FAM107B: variants seen among roughly 807,000 people sequenced by gnomAD.
FAM107B encodes protein FAM107B.
Under a neutral mutation model 31.5 loss-of-function variants are expected in FAM107B, and 21 were observed. The ratio of observed to expected loss-of-function variants is 0.67; its 90% confidence interval spans 0.47 to 0.96. FAM107B has a LOEUF of 0.96. Ranked by LOEUF, FAM107B falls within the 40% of genes least tolerant of loss-of-function variation. The pLI is 0.00. For missense variants in FAM107B, 452 were observed against 377.1 expected (o/e 1.20, Z -1.64); for synonymous variants, 157 against 141.5 (o/e 1.11, Z -0.78).
chr10:14,759,540 T>G (rs1345948869), intron 1 of FAM107B, among the ~76,000 whole-genome samples: 8 of 152,162 alleles, frequency 5.3e-5, no homozygotes, highest in Non-Finnish European at 1.2e-4. Flanking sequence ...CCCACTAGAC[T>G]ATGAAGAACT....
At chr10:14,623,222 A>C (rs1335863898) in intron 2 of FAM107B, among the ~76,000 whole-genome samples, 1 of 152,214 alleles carries the variant, frequency 6.6e-6, no homozygotes, top group African/African-American at 2.4e-5. Context: ...CAACGCAATA[A>C]AGCAATAAGG....
intron 2 of FAM107B, among the ~76,000 whole-genome samples, chr10:14,552,150 C>T (rs11259178): frequency 0.36 from 54,709 of 151,984 alleles, 9,957 homozygotes; most frequent in South Asian, 0.52. Context: ...CTGTGATAAC[C>T]GGCATGGCTA....
intron 1 of FAM107B, among the ~76,000 whole-genome samples, chr10:14,695,739 T>G (rs1855249974): frequency 6.6e-6 from 1 of 152,252 alleles, no homozygotes; most frequent in South Asian, 2.1e-4. Flanking sequence ...TTTCTTGATG[T>G]TATCATAGAA....
intron 3 of FAM107B, among the ~76,000 whole-genome samples, chr10:14,527,667 C>G (rs924664499): frequency 2.0e-5 from 3 of 152,210 alleles, no homozygotes; most frequent in African/African-American, 4.8e-5. Context: ...TTAGAAAGAG[C>G]ACCAGATGAG....
At chr10:14,759,869 G>T (rs1409803937) in intron 1 of FAM107B, among the ~76,000 whole-genome samples, 1 of 151,976 alleles carries the variant, frequency 6.6e-6, no homozygotes, top group African/African-American at 2.4e-5. Flanking sequence ...CCACCAGCAT[G>T]TCCGGCTAAC....
chr10:14,598,091 G>A (rs754540860), intron 2 of FAM107B, among the ~76,000 whole-genome samples: 4 of 152,192 alleles, frequency 2.6e-5, no homozygotes, highest in Non-Finnish European at 5.9e-5. Context: ...TATTGGATAT[G>A]TAGTTTGCCA....
intron 1 of FAM107B, among the ~76,000 whole-genome samples, chr10:14,758,974 T>C (rs1832984894): frequency 6.8e-6 from 1 of 146,786 alleles, no homozygotes; most frequent in Admixed American, 6.9e-5. Flanking sequence ...AGGTTGGGAG[T>C]TCGAGACCAG....
intron 1 of FAM107B, among the ~76,000 whole-genome samples, chr10:14,738,044 A>G (rs766413392): frequency 1.3e-5 from 2 of 152,050 alleles, no homozygotes; most frequent in Non-Finnish European, 2.9e-5. Context: ...GTGAGGACCA[A>G]TTTACACACA....
chr10:14,521,363 A>T (rs1159497409), intron 4 of FAM107B, 57 bp from the exon 5 acceptor site: 1 of 1,391,598 alleles, frequency 7.2e-7, no homozygotes, highest in Non-Finnish European at 1.0e-6. Flanking sequence ...CTTTCAAAAT[A>T]CTCTTCTCTC....
intron 2 of FAM107B, among the ~76,000 whole-genome samples, chr10:14,603,981 C>G (rs1257581079): frequency 6.8e-6 from 1 of 147,916 alleles, no homozygotes; most frequent in African/African-American, 2.4e-5. Context: ...GCCCCTTCCC[C>G]GCAGCGGCCC....
chr10:14,757,916 T>C (rs1201988282), intron 1 of FAM107B, among the ~76,000 whole-genome samples: 1 of 152,212 alleles, frequency 6.6e-6, no homozygotes, highest in African/African-American at 2.4e-5. Flanking sequence ...TTTCTGTTTT[T>C]TTCTTGGAGG....
chr10:14,603,606 A>G (rs1172233846), intron 2 of FAM107B, among the ~76,000 whole-genome samples: 1 of 152,244 alleles, frequency 6.6e-6, no homozygotes, highest in Non-Finnish European at 1.5e-5. Context: ...CAAGGGACCT[A>G]AAGATGCCTG....
intron 3 of FAM107B, 21 bp downstream of exon 3, chr10:14,530,311 A>G: frequency 6.3e-7 from 1 of 1,589,254 alleles, no homozygotes; most frequent in South Asian, 1.2e-5. Context: ...AAAAAAAAAT[A>G]TGCTCAAGAA....
chr10:14,749,233 A>C (rs1328498410), intron 1 of FAM107B, among the ~76,000 whole-genome samples: 3 of 152,176 alleles, frequency 2.0e-5, no homozygotes, highest in Non-Finnish European at 4.4e-5. Context: ...TAGAAGAAAC[A>C]AAAACCCAGA....
At chr10:14,659,735 T>C (rs1362961143) in intron 2 of FAM107B, among the ~76,000 whole-genome samples, 3 of 152,150 alleles carry the variant, frequency 2.0e-5, no homozygotes, top group Non-Finnish European at 4.4e-5. Context: ...TTTGTCTGAA[T>C]TGTCAGAAAA....
intron 1 of FAM107B, among the ~76,000 whole-genome samples, chr10:14,679,712 G>C (rs1854782214): frequency 6.6e-6 from 1 of 152,190 alleles, no homozygotes; most frequent in Non-Finnish European, 1.5e-5. Flanking sequence ...TATTGTCCCG[G>C]GGTGTGTCTG....
At chr10:14,578,640 C>A (rs2131297604) in intron 2 of FAM107B, among the ~76,000 whole-genome samples, 1 of 152,226 alleles carries the variant, frequency 6.6e-6, no homozygotes, top group East Asian at 1.9e-4. Context: ...AGCTACTGGC[C>A]ATTCAGAAGG....
chr10:14,556,457 G>A (rs1247402771), intron 2 of FAM107B: 1 of 972,964 alleles, frequency 1.0e-6, no homozygotes, highest in Non-Finnish European at 1.2e-6. Flanking sequence ...GAGCAGCCCA[G>A]GCCACAATAT....
chr10:14,737,708 T>C (rs1856334129), intron 1 of FAM107B, among the ~76,000 whole-genome samples: 1 of 150,912 alleles, frequency 6.6e-6, no homozygotes, highest in African/African-American at 2.4e-5. Context: ...AATCGAGAGG[T>C]TTCCCTGAAA....
Sources: gnomAD v4.1 joint callset for allele counts (sites outside exome capture counted in the v4.1 genomes callset) on GRCh38, gnomAD v4.1.1 for gene constraint, MANE v1.5 for transcripts, NCBI Gene and HGNC (gene_info 2026-07-23, HGNC 2026-07-21) for gene names.